Variants in TRAPPC3L observed in about 807,000 individuals in gnomAD.
TRAPPC3L encodes the protein trafficking protein particle complex subunit 3-like protein.
Under a neutral mutation model 23.7 loss-of-function variants are expected in TRAPPC3L, and 23 were observed. The observed-to-expected ratio is 0.97, with a 90% CI of 0.70 to 1.37. The LOEUF is 1.37. Among genes scored for constraint, TRAPPC3L ranks in the 40% most tolerant of loss-of-function variants. The pLI, the probability that TRAPPC3L is intolerant of heterozygous loss-of-function variation, is 0.00. For missense variants in TRAPPC3L, 212 were observed against 216.8 expected, an observed-to-expected ratio of 0.98 and a Z score of 0.14; for synonymous variants, 81 against 77.9, an observed-to-expected ratio of 1.04 and a Z score of -0.21.
chr6:116,545,363 C>T, intron 1 of TRAPPC3L, 110 bp downstream of exon 1: 1 of 849,706 alleles, frequency 1.2e-6, no homozygotes. Context: ...TGAACACTGT[C>T]TTTCCTCCAC....
At chr6:116,530,040 T>C (rs561158213) in intron 3 of TRAPPC3L, among the ~76,000 whole-genome samples, 4 of 152,158 alleles carry the variant, frequency 2.6e-5, no homozygotes, top group Non-Finnish European at 4.4e-5. Context: ...AATTCAAGTG[T>C]TGTGCATCAT....
intron 3 of TRAPPC3L, among the ~76,000 whole-genome samples, chr6:116,508,431 C>T (rs1236266433): frequency 6.6e-6 from 1 of 152,046 alleles, no homozygotes; most frequent in Non-Finnish European, 1.5e-5. Flanking sequence ...AGTTGTGAGC[C>T]CCAAAGGTGT....
In TRAPPC3L at chr6:116,496,637, T is replaced by C. The variant is rs1175023755; in HGVS notation, c.*317A>G. ...CAACTGTTTGTATTTGTGCTGCTTT[T>C]TTTTCCCATTACCATACGTGAATGG... On this transcript the variant is annotated 3_prime_UTR_variant, in exon 5 of 5. Transcript: ENST00000368602. 8.9e-6 allele frequency: 2 copies of C among 224,216 alleles called. No homozygotes were observed. Among genetic ancestry groups the C allele is most frequent in the Non-Finnish European group, 1.7e-5 (2 of 116,398 alleles). 13.9% of individuals were successfully genotyped at this position (224,216 alleles called of 1,614,324 possible).
chr6:116,542,993 G>A (rs1773557492), intron 2 of TRAPPC3L, among the ~76,000 whole-genome samples: 1 of 151,938 alleles, frequency 6.6e-6, no homozygotes, highest in Non-Finnish European at 1.5e-5. Flanking sequence ...CCCTCATGTT[G>A]TTAATAGAAT....
chr6:116,507,044 A>G (rs1192364467), intron 3 of TRAPPC3L, among the ~76,000 whole-genome samples: 1 of 152,178 alleles, frequency 6.6e-6, no homozygotes, highest in African/African-American at 2.4e-5. Flanking sequence ...AATAAATACT[A>G]TTTTTAATGT....
intron 3 of TRAPPC3L, among the ~76,000 whole-genome samples, chr6:116,504,603 C>T (rs1413425228): frequency 6.6e-6 from 1 of 152,168 alleles, no homozygotes; most frequent in African/African-American, 2.4e-5. Context: ...GGCCAATATC[C>T]CTGATGAACA....
At chr6:116,526,459 G>C (rs180757242) in intron 3 of TRAPPC3L, among the ~76,000 whole-genome samples, 1 of 152,166 alleles carries the variant, frequency 6.6e-6, no homozygotes, top group African/African-American at 2.4e-5. Flanking sequence ...GGATCACTTG[G>C]AGAGCATTTA....
chr6:116,544,675 T>C (rs1773665868), intron 1 of TRAPPC3L, among the ~76,000 whole-genome samples: 1 of 152,124 alleles, frequency 6.6e-6, no homozygotes. Flanking sequence ...GTACCATATA[T>C]TTTTAGCACT....
intron 1 of TRAPPC3L, 27 bp from the exon 2 acceptor site, chr6:116,543,427 T>A (rs1484979912): frequency 2.0e-6 from 3 of 1,516,874 alleles, no homozygotes; most frequent in Non-Finnish European, 2.7e-6. Flanking sequence ...AGTTTCTGGT[T>A]ATAGGCAAGT....
intron 4 of TRAPPC3L, among the ~76,000 whole-genome samples, chr6:116,497,379 A>G (rs943701236): frequency 3.3e-5 from 5 of 152,176 alleles, no homozygotes; most frequent in Non-Finnish European, 5.9e-5. Context: ...GAAGAACACA[A>G]ATTCCCAGCT....
At chr6:116,518,731 T>G (rs1255502538) in intron 3 of TRAPPC3L, 1 of 152,186 alleles carries the variant, frequency 6.6e-6, no homozygotes, top group Non-Finnish European at 1.5e-5. Flanking sequence ...TGAGGAGTCA[T>G]ATCTGGGGGA....
intron 3 of TRAPPC3L, among the ~76,000 whole-genome samples, chr6:116,501,226 T>C (rs1015018021): frequency 1.1e-4 from 17 of 152,240 alleles, no homozygotes; most frequent in African/African-American, 2.2e-4. Context: ...CCCACGCCCA[T>C]GGAGCCTTGC....
intron 3 of TRAPPC3L, among the ~76,000 whole-genome samples, chr6:116,504,383 T>A (rs1771969590): frequency 6.6e-6 from 1 of 152,198 alleles, no homozygotes; most frequent in African/African-American, 2.4e-5. Flanking sequence ...ATTGAGGCAA[T>A]AATTAATAGC....
intron 3 of TRAPPC3L, among the ~76,000 whole-genome samples, chr6:116,501,391 C>T (rs578086863): frequency 2.6e-5 from 4 of 152,274 alleles, no homozygotes; most frequent in East Asian, 3.9e-4. Flanking sequence ...CCCACCGCAG[C>T]ACAGCAAGGC....
intron 3 of TRAPPC3L, among the ~76,000 whole-genome samples, chr6:116,507,443 T>C (rs1772024983): frequency 6.6e-6 from 1 of 152,208 alleles, no homozygotes; most frequent in South Asian, 2.1e-4. Context: ...AAGTATATAA[T>C]TCATAAGTTT....
At chr6:116,527,519 C>CAAAAAAAAAAAAAAAAAA (rs34686241) in intron 3 of TRAPPC3L, among the ~76,000 whole-genome samples, 1 of 112,372 alleles carries the variant, frequency 8.9e-6, no homozygotes. Context: ...CGTCTCAAAA[C>CAAAAAAAAAAAAAAAAAA]AAAAAAAAAA....
chr6:116,545,449 A>C (rs1452413284), intron 1 of TRAPPC3L, 24 bp downstream of exon 1: 1 of 1,535,554 alleles, frequency 6.5e-7, no homozygotes, highest in Non-Finnish European at 8.8e-7. Flanking sequence ...AAGTAGAAAA[A>C]ATCTCTTTGT....
chr6:116,541,226 G>A (rs1773433189), intron 2 of TRAPPC3L, among the ~76,000 whole-genome samples: 1 of 152,082 alleles, frequency 6.6e-6, no homozygotes, highest in Admixed American at 6.6e-5. Context: ...ACTGAAAAAC[G>A]ACTAGATTTC....
At chr6:116,541,390 A>G (rs1297299400) in intron 2 of TRAPPC3L, among the ~76,000 whole-genome samples, 2 of 152,316 alleles carry the variant, frequency 1.3e-5, no homozygotes, top group South Asian at 2.1e-4. Flanking sequence ...CCACATCTAC[A>G]TAGACAAGTG....
Sources: allele counts gnomAD v4.1 joint callset (sites outside exome capture counted in the v4.1 genomes callset), GRCh38; gene constraint gnomAD v4.1.1; transcripts MANE v1.5; gene names NCBI Gene and HGNC (gene_info 2026-07-23, HGNC 2026-07-21).